TAF2: variants seen among roughly 807,000 people sequenced by gnomAD.
TAF2 encodes transcription initiation factor TFIID subunit 2.
A neutral mutation model predicts 138.5 loss-of-function variants in TAF2; 61 were observed. The observed-to-expected ratio is 0.44, with a 90% CI of 0.36 to 0.54. The LOEUF is 0.54. Ranked by LOEUF, TAF2 falls within the 20% of genes least tolerant of loss-of-function variation. TAF2 has a pLI of 0.00. For missense variants in TAF2, 1,090 were observed against 1,427.9 expected, an observed-to-expected ratio of 0.76 and a Z score of 3.81; for synonymous variants, 475 against 469.9, an observed-to-expected ratio of 1.01 and a Z score of -0.14.
intron 2 of TAF2, among the ~76,000 whole-genome samples, chr8:119,820,660 C>T (rs1268278781): frequency 6.6e-6 from 1 of 152,124 alleles, no homozygotes; most frequent in Non-Finnish European, 1.5e-5. Flanking sequence ...CCTGTGGGTA[C>T]AAGGGTTTTA....
intron 8 of TAF2, among the ~76,000 whole-genome samples, chr8:119,796,495 T>G (rs1823835478): frequency 6.6e-6 from 1 of 152,120 alleles, no homozygotes; most frequent in Non-Finnish European, 1.5e-5. Context: ...GGCAAATCCC[T>G]AAATAATTAT....
At chr8:119,795,940 T>G (rs1479296821) in intron 8 of TAF2, among the ~76,000 whole-genome samples, 1 of 152,110 alleles carries the variant, frequency 6.6e-6, no homozygotes, top group African/African-American at 2.4e-5. Flanking sequence ...GTTCTTACTG[T>G]CTCTGCCTCT....
chr8:119,793,166 A>G (rs1823560998), intron 10 of TAF2, among the ~76,000 whole-genome samples, 200 bp downstream of exon 10: 1 of 152,170 alleles, frequency 6.6e-6, no homozygotes, highest in African/African-American at 2.4e-5. Flanking sequence ...TCAATCTGAT[A>G]TTTTAAAAAT....
chr8:119,806,261 C>G (rs1382624839), intron 4 of TAF2, 22 bp downstream of exon 4: 3 of 1,581,598 alleles, frequency 1.9e-6, no homozygotes, highest in Non-Finnish European at 2.6e-6. Context: ...AGTGTACAGT[C>G]AATATACTCT....
chr8:119,750,573 CTATTTA>C (rs1290145355), intron 22 of TAF2, among the ~76,000 whole-genome samples: 3 of 152,068 alleles, frequency 2.0e-5, no homozygotes, highest in Non-Finnish European at 4.4e-5. Flanking sequence ...AAACTCATTT[CTATTTA>C]TGTGTGTGTG....
At chr8:119,806,688 G>A (rs1052350002) in intron 3 of TAF2, among the ~76,000 whole-genome samples, 4 of 151,866 alleles carry the variant, frequency 2.6e-5, no homozygotes, top group African/African-American at 7.3e-5. Context: ...GGCTGGTCTC[G>A]AACTCCTAAC....
At position 119,801,459 on chromosome 8, in the gene TAF2, C is replaced by T. The variant is rs529352730; in HGVS notation, c.792+335G>A. On this transcript the variant is annotated intron_variant, in intron 6 of 25. Coordinates refer to ENST00000378164, the MANE Select transcript of TAF2 (RefSeq NM_003184.4). ...CCTTTTTTTTTTTTTTTTGAGATGTCGCTCTGTCATCAAGGCTGGAGTGCA... is the reference window on the plus strand; with the variant it reads ...CCTTTTTTTTTTTTTTTTGAGATGTTGCTCTGTCATCAAGGCTGGAGTGCA... Among the ~76,000 whole-genome samples the T allele has an allele frequency of 9.4e-5, 13 of 138,988 alleles. No individual in the cohort carries two copies. The East Asian group carries it at 1.3e-3, about 13-fold the overall frequency. The allele number at this position is 138,988 out of a possible 152,430, so 91.2% of individuals were successfully genotyped here.
chr8:119,771,594 G>T (rs1461823645), intron 18 of TAF2, among the ~76,000 whole-genome samples: 1 of 152,126 alleles, frequency 6.6e-6, no homozygotes. Flanking sequence ...AGTAAAGAAA[G>T]AAAGAAGCAA....
intron 25 of TAF2, among the ~76,000 whole-genome samples, chr8:119,740,612 C>T (rs1278780585): frequency 4.8e-5 from 7 of 145,410 alleles, no homozygotes; most frequent in Admixed American, 3.5e-4. Flanking sequence ...TTGCAGTGAG[C>T]CAAGATCGCA....
chr8:119,732,408 C>G (rs1011405132), intron 25 of TAF2, among the ~76,000 whole-genome samples: 1 of 152,116 alleles, frequency 6.6e-6, no homozygotes, highest in East Asian at 1.9e-4. Flanking sequence ...ATAGTCTATA[C>G]AAATTTGGCC....
intron 22 of TAF2, among the ~76,000 whole-genome samples, chr8:119,753,482 C>G (rs1382111249): frequency 6.6e-6 from 1 of 152,094 alleles, no homozygotes; most frequent in Non-Finnish European, 1.5e-5. Flanking sequence ...ATTATTCATG[C>G]CACTCCCATT....
Position 119,819,506 on chromosome 8 carries a change from C to T in TAF2, c.139G>A (p.Gly47Arg). The T allele has an allele frequency of 6.2e-7, 1 of 1,603,876 alleles. No homozygotes were observed. The highest frequency in any genetic ancestry group is 8.5e-7 in the Non-Finnish European group (1 of 1,177,592). ...NINFQRKSVVGFVELTIFPTV... is the reference protein window; with the variant it reads ...NINFQRKSVVRFVELTIFPTV... The stretch of plus-strand genomic sequence containing the variant: ...GGAAATATAGTCAGTTCCACAAATC[C>T]CTGTAAAGATAGAGAATAACAACTT... The change falls in exon 3 of 26, where the codon GGA becomes AGA. Residue 47 changes from glycine to arginine, a missense_variant and splice_region_variant. Physicochemically the swap from Gly to Arg is moderately radical, Grantham distance 125 (BLOSUM62 -2). Transcript: ENST00000378164.
chr8:119,761,890 AT>A (rs1821089317), intron 19 of TAF2: 1 of 152,494 alleles, frequency 6.6e-6, no homozygotes, highest in Admixed American at 6.5e-5. Flanking sequence ...AAAAAGAAGT[AT>A]TTAGCATAAA....
chr8:119,795,706 A>G (rs1823777391), intron 8 of TAF2, 75 bp from the exon 9 acceptor site: 4 of 1,301,832 alleles, frequency 3.1e-6, no homozygotes, highest in African/African-American at 1.5e-5. Context: ...GGATAACGGA[A>G]TAAGTGTAGT....
At chr8:119,817,287 G>A (rs10109901) in intron 3 of TAF2, among the ~76,000 whole-genome samples, 41,320 of 151,992 alleles carry the variant, frequency 0.27, 6,885 homozygotes, top group Admixed American at 0.46. Context: ...GGTGAGTAGC[G>A]GGTGAGCAAG....
chr8:119,753,309 T>C (rs1336677994), intron 22 of TAF2, among the ~76,000 whole-genome samples: 4 of 152,218 alleles, frequency 2.6e-5, no homozygotes, highest in Admixed American at 2.6e-4. Context: ...ATATTACTTT[T>C]GCCATTAAAT....
intron 1 of TAF2, 85 bp from the exon 2 acceptor site, chr8:119,831,816 A>C (rs1478482093): frequency 2.1e-6 from 2 of 930,688 alleles, no homozygotes; most frequent in African/African-American, 1.7e-5. Flanking sequence ...AGTATAAATT[A>C]GGACTATGTT....
chr8:119,761,350 T>C (rs1821048949), intron 19 of TAF2, among the ~76,000 whole-genome samples: 2 of 152,226 alleles, frequency 1.3e-5, no homozygotes, highest in African/African-American at 4.8e-5. Flanking sequence ...CTACACCATC[T>C]AGTTTGTGTA....
intron 18 of TAF2, among the ~76,000 whole-genome samples, chr8:119,770,184 T>G (rs1821732238): frequency 6.6e-6 from 1 of 151,990 alleles, no homozygotes; most frequent in South Asian, 2.1e-4. Context: ...AAAGCATATT[T>G]GAGGAAATAA....
Sources: gnomAD v4.1 joint callset for allele counts (sites outside exome capture counted in the v4.1 genomes callset) on GRCh38, gnomAD v4.1.1 for gene constraint, MANE v1.5 for transcripts, NCBI Gene and HGNC (gene_info 2026-07-23, HGNC 2026-07-21) for gene names.